IMMP2L: variants seen among roughly 807,000 people sequenced by gnomAD.
The protein encoded by IMMP2L is mitochondrial inner membrane protease subunit 2.
Under a neutral mutation model 19.3 loss-of-function variants are expected in IMMP2L, and 18 were observed. The observed-to-expected ratio is 0.93, with a 90% CI of 0.64 to 1.38. IMMP2L has a LOEUF of 1.38. Ranked by LOEUF, IMMP2L falls within the 40% of genes most tolerant of loss-of-function variation. The pLI, the probability that IMMP2L is intolerant of heterozygous loss-of-function variation, is 0.00. For synonymous variants in IMMP2L, 76 were observed against 73.0 expected, an observed-to-expected ratio of 1.04 and a Z score of -0.21; for missense variants, 233 against 218.2, an observed-to-expected ratio of 1.07 and a Z score of -0.43.
chr7:111,000,519 T>A (rs935532470), intron 3 of IMMP2L, among the ~76,000 whole-genome samples: 1 of 152,168 alleles, frequency 6.6e-6, no homozygotes, highest in African/African-American at 2.4e-5. Flanking sequence ...ATAGCATTTA[T>A]AACTTATTTT....
intron 3 of IMMP2L, among the ~76,000 whole-genome samples, chr7:111,232,955 A>G (rs1344319316): frequency 6.6e-6 from 1 of 152,036 alleles, no homozygotes; most frequent in Non-Finnish European, 1.5e-5. Flanking sequence ...TACTGGTACG[A>G]TGTACTCCCA....
intron 3 of IMMP2L, among the ~76,000 whole-genome samples, chr7:111,148,037 T>C (rs2129601519): frequency 6.6e-6 from 1 of 152,232 alleles, no homozygotes; most frequent in South Asian, 2.1e-4. Context: ...AACATATGTC[T>C]ATGCTAAACC....
chr7:110,911,421 C>T (rs1563074855), intron 4 of IMMP2L, among the ~76,000 whole-genome samples: 3 of 152,092 alleles, frequency 2.0e-5, no homozygotes, highest in Admixed American at 1.3e-4. Flanking sequence ...AGCAGTCATG[C>T]TCTAATTTCA....
intron 2 of IMMP2L, among the ~76,000 whole-genome samples, chr7:111,501,855 G>A (rs558701701): frequency 1.4e-3 from 217 of 152,230 alleles, no homozygotes; most frequent in Admixed American, 3.2e-3. Context: ...ACCGGTACCA[G>A]CCACTGCAAA....
At chr7:111,051,374 G>A (rs1306436248) in intron 3 of IMMP2L, among the ~76,000 whole-genome samples, 2 of 152,124 alleles carry the variant, frequency 1.3e-5, no homozygotes, top group Non-Finnish European at 2.9e-5. Flanking sequence ...TATCCTGAGC[G>A]AATGCATCTA....
chr7:111,085,794 A>G (rs777399736), intron 3 of IMMP2L, among the ~76,000 whole-genome samples: 1 of 152,228 alleles, frequency 6.6e-6, no homozygotes, highest in African/African-American at 2.4e-5. Context: ...ACCAAGGAAT[A>G]CTATGCAGCC....
At chr7:111,055,174 C>T (rs915123120) in intron 3 of IMMP2L, among the ~76,000 whole-genome samples, 11 of 152,024 alleles carry the variant, frequency 7.2e-5, no homozygotes, top group African/African-American at 1.2e-4. Context: ...TCTCAGCCTC[C>T]GAGTAGCTGG....
At chr7:111,501,464 T>C (rs2132442866) in intron 2 of IMMP2L, among the ~76,000 whole-genome samples, 2 of 152,000 alleles carry the variant, frequency 1.3e-5, no homozygotes, top group East Asian at 1.9e-4. Context: ...ATTCAGGAAA[T>C]ACAGAGAACG....
intron 2 of IMMP2L, among the ~76,000 whole-genome samples, chr7:111,498,879 T>G (rs970925373): frequency 6.6e-5 from 10 of 151,978 alleles, no homozygotes; most frequent in African/African-American, 2.4e-4. Context: ...TGATCAAAGC[T>G]ATAAGAACAA....
At chr7:110,898,384 G>A (rs552228626) in intron 4 of IMMP2L, among the ~76,000 whole-genome samples, 1 of 152,172 alleles carries the variant, frequency 6.6e-6, no homozygotes, top group East Asian at 1.9e-4. Flanking sequence ...TCAAGTTCAT[G>A]GAAATATCCT....
intron 3 of IMMP2L, among the ~76,000 whole-genome samples, chr7:111,246,079 G>A (rs1273599420): frequency 3.8e-5 from 1 of 26,420 alleles, no homozygotes; most frequent in Non-Finnish European, 5.5e-5. Flanking sequence ...GATTGGAATA[G>A]TTTCAGAAGG....
intron 3 of IMMP2L, among the ~76,000 whole-genome samples, chr7:111,354,103 G>A (rs191422737): frequency 6.6e-6 from 1 of 151,876 alleles, no homozygotes; most frequent in East Asian, 1.9e-4. Flanking sequence ...GAATAACTCT[G>A]ATACCAAAAA....
At chr7:110,950,479 T>C (rs1014063257) in intron 4 of IMMP2L, among the ~76,000 whole-genome samples, 1 of 152,070 alleles carries the variant, frequency 6.6e-6, no homozygotes, top group Non-Finnish European at 1.5e-5. Context: ...TTGGTTAGAA[T>C]GCAAAGTGGT....
intron 3 of IMMP2L, among the ~76,000 whole-genome samples, chr7:111,265,737 T>A (rs1037163627): frequency 2.0e-5 from 3 of 152,302 alleles, no homozygotes; most frequent in Admixed American, 6.5e-5. Context: ...TGATCCAGGT[T>A]TGATTTTTTG....
intron 5 of IMMP2L, among the ~76,000 whole-genome samples, chr7:110,795,760 GA>G (rs1342808258): frequency 6.6e-6 from 1 of 152,088 alleles, no homozygotes; most frequent in Non-Finnish European, 1.5e-5. Context: ...GAACTGAATA[GA>G]AATCAATCAA....
In IMMP2L at chr7:111,303,970, T is replaced by C. The variant is rs187354217; in HGVS notation, c.239+183268A>G. Reference sequence around the variant, plus strand: ...TTGAATACTCTAACCATCAGTTGTATAGGAAAAGAAAAAAAACATAAAAAT... The same window carrying C: ...TTGAATACTCTAACCATCAGTTGTACAGGAAAAGAAAAAAAACATAAAAAT... On this transcript the variant is annotated intron_variant, in intron 3 of 5. Transcript: ENST00000405709. 1.7e-3 allele frequency among the ~76,000 whole-genome samples: 263 copies of C among 152,120 alleles called. 3 individuals are homozygous for C. Among genetic ancestry groups the C allele is most frequent in the Middle Eastern group, 3.4e-3 (1 of 294 alleles).
In IMMP2L at chr7:111,133,736, A is replaced by G. The variant is rs985260680; in HGVS notation, c.240-170171T>C. On this transcript the variant is annotated intron_variant, in intron 3 of 5. Coordinates refer to ENST00000405709, the MANE Select transcript of IMMP2L (RefSeq NM_032549.4). ...AGCTTCCTCCAGAGGTAGAAATATG[A>G]GAAGACGTGGGAAATAAAAGACAAA... Among the ~76,000 whole-genome samples, 8 of 152,090 alleles carry G rather than the reference A, an allele frequency of 5.3e-5. 1 individual carries two copies. The highest frequency in any genetic ancestry group is 3.4e-3 in the Middle Eastern group (1 of 294).
At chr7:111,461,067 A>G (rs1012002322) in intron 3 of IMMP2L, among the ~76,000 whole-genome samples, 7 of 152,132 alleles carry the variant, frequency 4.6e-5, no homozygotes, top group African/African-American at 1.7e-4. Flanking sequence ...TATTCCATCA[A>G]GTGTACATTC....
chr7:111,382,253 C>A (rs1245160015), intron 3 of IMMP2L, among the ~76,000 whole-genome samples: 1 of 151,588 alleles, frequency 6.6e-6, no homozygotes, highest in African/African-American at 2.4e-5. Context: ...TCACAAAAAC[C>A]AAAACAGAAG....
Sources: allele counts gnomAD v4.1 joint callset (sites outside exome capture counted in the v4.1 genomes callset), GRCh38; gene constraint gnomAD v4.1.1; transcripts MANE v1.5; gene names NCBI Gene and HGNC (gene_info 2026-07-23, HGNC 2026-07-21).